Variants in KIF26B observed in about 807,000 individuals in gnomAD.
KIF26B encodes the protein kinesin family member 26B.
KIF26B carries 63 observed loss-of-function variants against 151.2 expected under a neutral mutation model. That is an observed-to-expected ratio of 0.42 (90% confidence interval 0.34 to 0.51). KIF26B has a LOEUF of 0.51. KIF26B is among the 20% of genes least tolerant of loss of function. The pLI is 0.07. For missense variants in KIF26B, 2,813 were observed against 2,913.6 expected, an observed-to-expected ratio of 0.97 and a Z score of 0.79; for synonymous variants, 1,357 against 1,262.1, an observed-to-expected ratio of 1.08 and a Z score of -1.59.
At chr1:245,184,473 A>G (rs1668967699) in intron 2 of KIF26B, among the ~76,000 whole-genome samples, 2 of 152,070 alleles carry the variant, frequency 1.3e-5, no homozygotes, top group African/African-American at 4.8e-5. Context: ...CAGGTACACA[A>G]ATGTGTCTTT....
intron 2 of KIF26B, among the ~76,000 whole-genome samples, chr1:245,327,267 CCTTA>C (rs1226086245): frequency 6.6e-6 from 1 of 152,168 alleles, no homozygotes; most frequent in African/African-American, 2.4e-5. Flanking sequence ...TTTATTTCCC[CCTTA>C]CTTATGCCCT....
At chr1:245,691,236 G>A (rs1047833448) in intron 12 of KIF26B, among the ~76,000 whole-genome samples, 1 of 137,962 alleles carries the variant, frequency 7.2e-6, no homozygotes, top group Admixed American at 6.9e-5. Flanking sequence ...AAAAACAAAC[G>A]TGTGAAGTGA....
intron 4 of KIF26B, among the ~76,000 whole-genome samples, chr1:245,434,804 G>T (rs1309835811): frequency 1.3e-5 from 2 of 152,120 alleles, no homozygotes; most frequent in Non-Finnish European, 2.9e-5. Context: ...TCCATAACCT[G>T]CTTGAGAACA....
intron 2 of KIF26B, among the ~76,000 whole-genome samples, chr1:245,258,875 G>A (rs968799130): frequency 5.9e-5 from 9 of 152,182 alleles, no homozygotes; most frequent in South Asian, 2.1e-4. Context: ...ACCCATCTCC[G>A]CTCCGGTTTT....
chr1:245,519,431 G>C (rs959587279), intron 4 of KIF26B, among the ~76,000 whole-genome samples: 3 of 152,050 alleles, frequency 2.0e-5, no homozygotes, highest in African/African-American at 7.2e-5. Context: ...GTGGGTGCCT[G>C]TAATTCCAGC....
intron 3 of KIF26B, among the ~76,000 whole-genome samples, chr1:245,402,060 C>T (rs1257987564): frequency 6.6e-6 from 1 of 152,148 alleles, no homozygotes; most frequent in Non-Finnish European, 1.5e-5. Flanking sequence ...CTCCCCTAGG[C>T]CTCATGGGAC....
rs1304566801 is a variant in KIF26B at position 245,167,078 on chromosome 1, T to C, written c.465+10395T>C. The stretch of plus-strand genomic sequence containing the variant: ...TCTACTTATTGGAGTTTACGTTCAA[T>C]ACTGTTGCCAACCACAAAAAGTTAT... On this transcript the variant is annotated intron_variant, in intron 2 of 14. Transcript: ENST00000407071. This position sits in a 1 kb window ranked among gnomAD's most constrained non-coding sequence, Gnocchi z 4.2. Among the ~76,000 whole-genome samples, 1 of 152,242 alleles carries C rather than the reference T, an allele frequency of 6.6e-6. No homozygotes were observed. The highest frequency in any genetic ancestry group is 1.5e-5 in the Non-Finnish European group (1 of 68,044).
chr1:245,687,730 T>C lies in KIF26B; in HGVS notation c.4747T>C (p.Ser1583Pro). 1 of 1,578,122 alleles carries C rather than the reference T, an allele frequency of 6.3e-7. No individual in the cohort carries two copies. Among genetic ancestry groups the C allele is most frequent in the Non-Finnish European group, 8.6e-7 (1 of 1,162,408 alleles). The change falls in exon 12 of 15, where the codon TCC (serine) becomes CCC (proline). Residue 1583 changes from serine (S) to proline (P), a missense_variant. Coordinates refer to ENST00000407071, the MANE Select transcript of KIF26B (RefSeq NM_018012.4). The surrounding 1 kb of genome is among the most constrained non-coding windows in gnomAD (Gnocchi z 4.9). The part of the protein sequence containing the change: ...SKATLEGKVA[S>P]PKHCVLARPK... ...GGCTACCCTGGAGGGGAAGGTGGCT[T>C]CCCCCAAGCACTGTGTTCTGGCTCG... is the stretch of plus-strand genomic sequence containing the variant.
chr1:245,465,064 C>T (rs34876252), intron 4 of KIF26B, among the ~76,000 whole-genome samples: 112,615 of 138,792 alleles, frequency 0.81, 46,095 homozygotes, highest in African/African-American at 0.88. Flanking sequence ...CTGCAAGCTC[C>T]GCCTCCCGGG....
rs61541280 is a variant in KIF26B at position 245,203,255 on chromosome 1, A to AAAAAAAAAAAAAG, written c.465+46576_465+46577insAAAAAAAAGAAAA. 5.0e-4 allele frequency among the ~76,000 whole-genome samples: 65 copies of AAAAAAAAAAAAAG among 129,710 alleles called. 4 individuals carry two copies. Among genetic ancestry groups the AAAAAAAAAAAAAG allele is most frequent in the African/African-American group, 1.6e-3 (54 of 33,242 alleles). 85.1% of individuals were successfully genotyped at this position (129,710 alleles called of 152,430 possible). A position where few individuals can be genotyped will look rare whatever the true frequency, so the allele number is the denominator to read the frequency against. On this transcript the variant is annotated intron_variant, in intron 2 of 14. Coordinates refer to ENST00000407071, the MANE Select transcript of KIF26B (RefSeq NM_018012.4). ...GAGCGCGACTCTGTCTCAAAAAAAAAAAAAGAAAATGAGTTAAAGTTACAA... is the reference window on the plus strand; with the variant it reads ...GAGCGCGACTCTGTCTCAAAAAAAAAAAAAAAAAAAAAGAAAAGAAAATGAGTTAAAGTTACAA...
intron 8 of KIF26B, 135 bp downstream of exon 8, chr1:245,609,663 CT>C: frequency 1.1e-6 from 1 of 929,610 alleles, no homozygotes; most frequent in Non-Finnish European, 1.5e-6. Flanking sequence ...TGGACTGGAA[CT>C]TTATGGCCTG....
intron 4 of KIF26B, among the ~76,000 whole-genome samples, chr1:245,439,882 T>C (rs903179839): frequency 6.6e-6 from 1 of 152,210 alleles, no homozygotes; most frequent in Non-Finnish European, 1.5e-5. Context: ...GGTACCACCT[T>C]ACCCTTGGGC....
chr1:245,668,931 TC>T (rs1197313022), intron 10 of KIF26B, among the ~76,000 whole-genome samples: 3 of 152,096 alleles, frequency 2.0e-5, no homozygotes, highest in African/African-American at 7.2e-5. Context: ...CCTCAGGTGA[TC>T]CGCCTGCCTC....
chr1:245,531,731 G>T (rs1245172176), intron 4 of KIF26B, among the ~76,000 whole-genome samples: 1 of 152,140 alleles, frequency 6.6e-6, no homozygotes, highest in African/African-American at 2.4e-5. Flanking sequence ...TGATGGTGGC[G>T]AGGCAGAAGC....
chr1:245,389,372 C>A (rs1168229396), intron 3 of KIF26B, among the ~76,000 whole-genome samples: 1 of 151,010 alleles, frequency 6.6e-6, no homozygotes, highest in Non-Finnish European at 1.5e-5. Flanking sequence ...CTCGGCCTCC[C>A]AAAGTGCTAG....
rs1400436286 is a variant in KIF26B at position 245,707,016 on chromosome 1, A to G, written c.*4410A>G. ...ATCACTTAGTAATCTTCCTGACAAA[A>G]TGACACATTTTAAAATTACAACCTG... On this transcript the variant is annotated 3_prime_UTR_variant, in exon 15 of 15. Coordinates refer to ENST00000407071, the MANE Select transcript of KIF26B (RefSeq NM_018012.4). 1 of 152,226 alleles carries G rather than the reference A, an allele frequency of 6.6e-6. No individual in the cohort carries two copies. The highest frequency in any genetic ancestry group is 2.4e-5 in the African/African-American group (1 of 41,462). The allele number at this position is 152,226 out of a possible 1,614,324, so 9.4% of individuals were successfully genotyped here.
rs543814567 is a variant in KIF26B, at chr1:245,258,749, G to C, written c.465+102066G>C. Among the ~76,000 whole-genome samples, 66 of 151,812 alleles carry C rather than the reference G, an allele frequency of 4.3e-4. 1 individual carries two copies. Among genetic ancestry groups the C allele is most frequent in the Admixed American group, 4.2e-3 (64 of 15,220 alleles). On this transcript the variant is annotated intron_variant, in intron 2 of 14. Transcript: ENST00000407071. ...GGCAGCTACAGGAGCACAGCATGGTGGGGGGGCATGAAATCAGAACAAGCA... is the reference window on the plus strand; with the variant it reads ...GGCAGCTACAGGAGCACAGCATGGTCGGGGGGCATGAAATCAGAACAAGCA...
intron 2 of KIF26B, among the ~76,000 whole-genome samples, chr1:245,322,122 C>CA (rs1385811418): frequency 1.3e-5 from 2 of 151,764 alleles, no homozygotes; most frequent in Non-Finnish European, 1.5e-5. Flanking sequence ...AACACAGGAA[C>CA]AAAAAAACCA....
intron 4 of KIF26B, among the ~76,000 whole-genome samples, chr1:245,455,640 TC>T (rs1343126007): frequency 6.6e-6 from 1 of 152,214 alleles, no homozygotes; most frequent in African/African-American, 2.4e-5. Flanking sequence ...TGCCTTCTTC[TC>T]CCGTCATTGA....
Sources: gnomAD v4.1 joint callset for allele counts (sites outside exome capture counted in the v4.1 genomes callset) on GRCh38, gnomAD v4.1.1 for gene constraint, Gnocchi (gnomAD v3.1) non-coding constraint, MANE v1.5 for transcripts, NCBI Gene and HGNC (gene_info 2026-07-23, HGNC 2026-07-21) for gene names.